The following KLHL3 variants were observed in gnomAD, a reference collection of about 807,000 sequenced individuals.
KLHL3 encodes the protein kelch-like protein 3.
KLHL3 carries 19 observed loss-of-function variants against 70.5 expected under a neutral mutation model. The observed-to-expected ratio is 0.27, with a 90% CI of 0.19 to 0.40. KLHL3 has a LOEUF of 0.40. Ranked by LOEUF, KLHL3 falls within the 10% of genes least tolerant of loss-of-function variation. The pLI, the probability that KLHL3 is intolerant of heterozygous loss-of-function variation, is 1.00. For missense variants in KLHL3, 512 were observed against 771.1 expected (o/e 0.66, Z 3.98); for synonymous variants, 258 against 290.3 (o/e 0.89, Z 1.13).
intron 12 of KLHL3, among the ~76,000 whole-genome samples, chr5:137,631,406 C>T (rs946786384): frequency 6.6e-6 from 1 of 151,504 alleles, no homozygotes; most frequent in African/African-American, 2.4e-5. Context: ...TCATTTTCTT[C>T]ACATGTTGGG....
chr5:137,703,827 G>A (rs1752620092), intron 3 of KLHL3, among the ~76,000 whole-genome samples: 1 of 149,476 alleles, frequency 6.7e-6, no homozygotes, highest in Non-Finnish European at 1.5e-5. Context: ...AGCACGAGAA[G>A]CACAAAGTCA....
At chr5:137,701,791 C>G (rs1284113058) in intron 3 of KLHL3, among the ~76,000 whole-genome samples, 1 of 152,172 alleles carries the variant, frequency 6.6e-6, no homozygotes, top group Non-Finnish European at 1.5e-5. Flanking sequence ...GAAGATGAGC[C>G]CTGTAAGCCC....
chr5:137,622,498 G>T (rs1409774761), intron 14 of KLHL3, among the ~76,000 whole-genome samples: 1 of 152,228 alleles, frequency 6.6e-6, no homozygotes, highest in Non-Finnish European at 1.5e-5. Context: ...AGAAGCAATG[G>T]GTGATTCATC....
rs1750285271 is a variant in KLHL3, at chr5:137,621,164, G to A, written c.*934C>T. ...CTGTCCTGGGAAAACCTAAAAGTAG[G>A]ACCCTCTCTGAGACCATTATAGGCA... On this transcript the variant is annotated 3_prime_UTR_variant, in exon 15 of 15. Transcript: ENST00000309755. 6.6e-6 allele frequency: 1 copy of A among 152,630 alleles called. No homozygotes were observed. 9.5% of individuals were successfully genotyped at this position (152,630 alleles called of 1,614,324 possible).
At chr5:137,664,664 A>C (rs1476194656) in intron 6 of KLHL3, among the ~76,000 whole-genome samples, 3 of 152,056 alleles carry the variant, frequency 2.0e-5, no homozygotes, top group African/African-American at 7.2e-5. Context: ...TACAAAAAAA[A>C]AAAATCAGTC....
In KLHL3 at chr5:137,628,371, C is replaced by G. The variant is rs1177398173; in HGVS notation, c.1517G>C (p.Ser506Thr). 5.0e-6 allele frequency: 8 copies of G among 1,614,080 alleles called. No individual in the cohort carries two copies. The highest frequency in any genetic ancestry group is 5.9e-6 in the Non-Finnish European group (7 of 1,180,048). ...GGHDGPLVRK[S>T]VEVYDPGTNT... ...TGTTCCAGGATCGTAAACCTCAACG[C>G]TCTTCCTCACCAAAGGCCCATCATG... is the stretch of plus-strand genomic sequence containing the variant. The change falls in exon 13 of 15, where the codon AGC becomes ACC. Residue 506 changes from serine to threonine, a missense_variant. Coordinates refer to ENST00000309755, the MANE Select transcript of KLHL3 (RefSeq NM_017415.3).
chr5:137,622,872 T>C (rs1258135407), intron 14 of KLHL3, among the ~76,000 whole-genome samples: 1 of 152,272 alleles, frequency 6.6e-6, no homozygotes, highest in African/African-American at 2.4e-5. Context: ...TCCTACTTGC[T>C]ATCCTCGACT....
At position 137,720,579 on chromosome 5, in the gene KLHL3, T is replaced by C; in HGVS notation, c.20A>G (p.Lys7Arg). 1 of 1,614,050 alleles carries C rather than the reference T, an allele frequency of 6.2e-7. No homozygotes were observed. Among genetic ancestry groups the C allele is most frequent in the Non-Finnish European group, 8.5e-7 (1 of 1,180,024 alleles). The change falls in exon 2 of 15, where the codon AAG becomes AGG. Residue 7 changes from lysine (K) to arginine (R), a missense_variant. Physicochemically the swap from Lys to Arg is conservative, Grantham distance 26. Coordinates refer to ENST00000309755, the MANE Select transcript of KLHL3 (RefSeq NM_017415.3). ...CTGTATCAGAGTCTGGGAGCTCAGC[T>C]TGACACTGTGAACAGGAAGGAAGAG... MEGESV[K>R]LSSQTLIQAG...
intron 7 of KLHL3, among the ~76,000 whole-genome samples, chr5:137,658,917 T>TC (rs1399957158): frequency 1.3e-5 from 2 of 152,188 alleles, no homozygotes; most frequent in Admixed American, 1.3e-4. Flanking sequence ...CACCTAGGAC[T>TC]CCATCTAAGC....
At chr5:137,701,055 G>A (rs1016343461) in intron 3 of KLHL3, among the ~76,000 whole-genome samples, 6 of 150,644 alleles carry the variant, frequency 4.0e-5, no homozygotes, top group African/African-American at 1.2e-4. Context: ...TTTTCGAGAT[G>A]GAGTTTTGCT....
At chr5:137,647,876 G>T (rs1751096439) in intron 8 of KLHL3, among the ~76,000 whole-genome samples, 1 of 152,172 alleles carries the variant, frequency 6.6e-6, no homozygotes, top group African/African-American at 2.4e-5. Flanking sequence ...TATCAGCCCA[G>T]TCACTATATA....
intron 2 of KLHL3, 36 bp downstream of exon 2, chr5:137,720,428 TC>T: frequency 6.2e-7 from 1 of 1,613,448 alleles, no homozygotes; most frequent in South Asian, 1.1e-5. Context: ...ATGGACAAGT[TC>T]CTTCTGCAAG....
chr5:137,697,882 A>G (rs1303122040), intron 4 of KLHL3, among the ~76,000 whole-genome samples: 1 of 152,234 alleles, frequency 6.6e-6, no homozygotes, highest in African/African-American at 2.4e-5. Flanking sequence ...ATGCCAAATT[A>G]CTTTGCACTT....
Position 137,621,989 on chromosome 5 carries a change from G to T in KLHL3, c.*109C>A. ...AAGTCAGAGGAGAGCGGTTCTCACA[G>T]CAGCACAGACCCTCCCAAGCAAGTT... On this transcript the variant is annotated 3_prime_UTR_variant, in exon 15 of 15. Coordinates refer to ENST00000309755, the MANE Select transcript of KLHL3 (RefSeq NM_017415.3). The T allele has an allele frequency of 8.5e-7, 1 of 1,174,004 alleles. No individual in the cohort carries two copies. Among genetic ancestry groups the T allele is most frequent in the Non-Finnish European group, 1.3e-6 (1 of 780,350 alleles). The allele number at this position is 1,174,004 out of a possible 1,614,324, so 72.7% of individuals were successfully genotyped here.
At chr5:137,704,642 C>T (rs540456243) in intron 3 of KLHL3, among the ~76,000 whole-genome samples, 1 of 152,284 alleles carries the variant, frequency 6.6e-6, no homozygotes, top group East Asian at 1.9e-4. Flanking sequence ...TACCTCAGAC[C>T]ATCTTGGTCA....
intron 6 of KLHL3, among the ~76,000 whole-genome samples, chr5:137,666,842 C>T (rs530808531): frequency 6.6e-5 from 10 of 152,294 alleles, no homozygotes; most frequent in Admixed American, 2.6e-4. Context: ...AATAACCCTT[C>T]CCACCAAGGG....
chr5:137,716,344 A>ATGTTTGTT (rs57002774), intron 2 of KLHL3, among the ~76,000 whole-genome samples: 2 of 150,488 alleles, frequency 1.3e-5, no homozygotes, highest in African/African-American at 2.4e-5. Context: ...ACTAAGGCAT[A>ATGTTTGTT]TGTTTGTTTG....
intron 3 of KLHL3, 120 bp downstream of exon 3, chr5:137,709,630 C>T (rs999889323): frequency 9.4e-5 from 71 of 755,308 alleles, no homozygotes; most frequent in Middle Eastern, 7.3e-4. Context: ...CGTAGAGAAG[C>T]CCCTCATAGT....
chr5:137,637,709 G>A (rs560003735), intron 10 of KLHL3, among the ~76,000 whole-genome samples: 1 of 152,304 alleles, frequency 6.6e-6, no homozygotes, highest in East Asian at 1.9e-4. Flanking sequence ...AGTCACCTGA[G>A]GTAGCCTCAC....
Sources: gnomAD v4.1 joint callset for allele counts (sites outside exome capture counted in the v4.1 genomes callset) on GRCh38, gnomAD v4.1.1 for gene constraint, MANE v1.5 for transcripts, NCBI Gene and HGNC (gene_info 2026-07-23, HGNC 2026-07-21) for gene names.